CEP112: variants seen among roughly 807,000 people sequenced by gnomAD.
CEP112 encodes centrosomal protein 112.
A neutral mutation model predicts 153.0 loss-of-function variants in CEP112; 127 were observed. That is an observed-to-expected ratio of 0.83 (90% confidence interval 0.72 to 0.96). CEP112 has a LOEUF of 0.96. Ranked by LOEUF, CEP112 falls within the 40% of genes least tolerant of loss-of-function variation. The pLI, the probability that CEP112 is intolerant of heterozygous loss-of-function variation, is 0.00. For synonymous variants in CEP112, 358 were observed against 374.4 expected, an observed-to-expected ratio of 0.96 and a Z score of 0.51; for missense variants, 1,089 against 1,101.2, an observed-to-expected ratio of 0.99 and a Z score of 0.16.
intron 20 of CEP112, among the ~76,000 whole-genome samples, chr17:65,866,883 C>G (rs975291657): frequency 6.6e-6 from 1 of 152,154 alleles, no homozygotes; most frequent in Middle Eastern, 3.2e-3. Flanking sequence ...CTTGCTCACC[C>G]TCCACTTGTC....
intron 23 of CEP112, among the ~76,000 whole-genome samples, chr17:65,695,227 T>G (rs959938249): frequency 1.3e-5 from 2 of 152,134 alleles, no homozygotes; most frequent in Admixed American, 6.5e-5. Flanking sequence ...GGGAGAGCAT[T>G]GTAGGATAAT....
intron 23 of CEP112, among the ~76,000 whole-genome samples, chr17:65,739,557 G>A (rs2051003531): frequency 6.6e-6 from 1 of 152,068 alleles, no homozygotes; most frequent in Non-Finnish European, 1.5e-5. Context: ...CCAACATGGT[G>A]AAACCCCATC....
intron 21 of CEP112, among the ~76,000 whole-genome samples, chr17:65,773,084 T>G (rs535078847): frequency 6.2e-4 from 95 of 152,308 alleles, no homozygotes; most frequent in African/African-American, 2.3e-3. Flanking sequence ...GATAAAGAAC[T>G]TGTCTACGGC....
At chr17:66,104,502 G>C (rs2068696713) in intron 6 of CEP112, among the ~76,000 whole-genome samples, 1 of 152,190 alleles carries the variant, frequency 6.6e-6, no homozygotes, top group Non-Finnish European at 1.5e-5. Context: ...TGGGCCTGGG[G>C]TAAGACTTAG....
intron 24 of CEP112, among the ~76,000 whole-genome samples, chr17:65,675,947 T>C (rs990974548): frequency 6.6e-6 from 1 of 152,124 alleles, no homozygotes; most frequent in African/African-American, 2.4e-5. Context: ...TTACTAAGAA[T>C]AGAAAGAAAA....
intron 22 of CEP112, among the ~76,000 whole-genome samples, chr17:65,749,447 G>C (rs1284210999): frequency 6.6e-6 from 1 of 152,178 alleles, no homozygotes; most frequent in African/African-American, 2.4e-5. Flanking sequence ...GGTGGAGCTT[G>C]CAGTGAGCCG....
chr17:65,658,105 T>C (rs958959755), intron 24 of CEP112, among the ~76,000 whole-genome samples: 4 of 152,234 alleles, frequency 2.6e-5, no homozygotes, highest in African/African-American at 9.6e-5. Context: ...ATTTAATTCT[T>C]ACATACAATT....
chr17:65,865,881 G>A (rs1598821557), intron 20 of CEP112, among the ~76,000 whole-genome samples: 1 of 152,204 alleles, frequency 6.6e-6, no homozygotes, highest in Non-Finnish European at 1.5e-5. Context: ...ACAGAAGGGT[G>A]GACAGAGAGG....
At chr17:66,135,499 G>A (rs774876080) in intron 4 of CEP112, among the ~76,000 whole-genome samples, 1 of 152,082 alleles carries the variant, frequency 6.6e-6, no homozygotes, top group Non-Finnish European at 1.5e-5. Context: ...GTGCTTATAA[G>A]CACAACCTAC....
intron 4 of CEP112, among the ~76,000 whole-genome samples, chr17:66,141,920 G>A (rs1389255653): frequency 6.6e-6 from 1 of 152,038 alleles, no homozygotes; most frequent in East Asian, 1.9e-4. Context: ...TGGATCATAA[G>A]GTAATTCTAT....
At chr17:65,971,252 A>C (rs12601478) in intron 17 of CEP112, among the ~76,000 whole-genome samples, 72,878 of 151,922 alleles carry the variant, frequency 0.48, 18,452 homozygotes, top group East Asian at 0.89. Context: ...ATGCACATCA[A>C]ATGCGTACTG....
intron 24 of CEP112, among the ~76,000 whole-genome samples, chr17:65,666,489 G>C (rs1000393665): frequency 1.3e-5 from 2 of 152,068 alleles, no homozygotes; most frequent in Admixed American, 1.3e-4. Flanking sequence ...TAATACTTAG[G>C]GAGCACCAGA....
chr17:66,190,069 CCTGTAATCCCAGCA>C (rs1281186589), intron 1 of CEP112, among the ~76,000 whole-genome samples: 1 of 151,886 alleles, frequency 6.6e-6, no homozygotes, highest in Admixed American at 6.6e-5. Flanking sequence ...GTGGCTCACA[CCTGTAATCCCAGCA>C]CTTTGGGAGG....
intron 8 of CEP112, among the ~76,000 whole-genome samples, chr17:66,094,020 C>T (rs1228262002): frequency 6.6e-6 from 1 of 152,002 alleles, no homozygotes; most frequent in African/African-American, 2.4e-5. Context: ...GAAATAAACC[C>T]ATACATTTAG....
At chr17:65,975,253 G>A (rs955534759) in intron 17 of CEP112, among the ~76,000 whole-genome samples, 14 of 152,084 alleles carry the variant, frequency 9.2e-5, no homozygotes, top group African/African-American at 3.1e-4. Context: ...ATATATAATG[G>A]AAGTCAGGTT....
chr17:66,074,507 T>G (rs746319868), intron 8 of CEP112, among the ~76,000 whole-genome samples: 1 of 152,110 alleles, frequency 6.6e-6, no homozygotes, highest in Non-Finnish European at 1.5e-5. Flanking sequence ...ATGAACTCTA[T>G]GCAGGATAAA....
At chr17:65,895,240 T>C (rs558580691) in intron 20 of CEP112, among the ~76,000 whole-genome samples, 1 of 152,158 alleles carries the variant, frequency 6.6e-6, no homozygotes, top group Admixed American at 6.5e-5. Context: ...AGATAGGAAA[T>C]GTCATCCTCA....
chr17:65,970,345 T>G (rs1177117744), intron 17 of CEP112, among the ~76,000 whole-genome samples: 1 of 103,010 alleles, frequency 9.7e-6, no homozygotes, highest in Non-Finnish European at 2.2e-5. Context: ...ATTACATGCA[T>G]GTGCACTATG....
intron 21 of CEP112, among the ~76,000 whole-genome samples, chr17:65,783,637 T>G (rs1463946422): frequency 6.6e-6 from 1 of 152,224 alleles, no homozygotes; most frequent in Non-Finnish European, 1.5e-5. Flanking sequence ...ATCATCTACA[T>G]CAAGGCTGAA....
Sources: allele counts gnomAD v4.1 joint callset (sites outside exome capture counted in the v4.1 genomes callset), GRCh38; gene constraint gnomAD v4.1.1; transcripts MANE v1.5; gene names NCBI Gene and HGNC (gene_info 2026-07-23, HGNC 2026-07-21).